The following SORCS1 variants were observed in gnomAD, a reference collection of about 807,000 sequenced individuals.
SORCS1 encodes the protein VPS10 domain-containing receptor SorCS1.
In SORCS1, 60 loss-of-function variants were observed where a neutral mutation model predicts 146.1. The ratio of observed to expected loss-of-function variants is 0.41; its 90% CI spans 0.33 to 0.51. The LOEUF is 0.51. SORCS1 is among the 20% of genes least tolerant of loss of function. SORCS1 has a pLI of 0.21. For synonymous variants in SORCS1, 637 were observed against 584.0 expected, an observed-to-expected ratio of 1.09 and a Z score of -1.31; for missense variants, 1,352 against 1,487.6, an observed-to-expected ratio of 0.91 and a Z score of 1.50.
chr10:106,793,948 T>C (rs1377230981), intron 3 of SORCS1, among the ~76,000 whole-genome samples: 1 of 152,170 alleles, frequency 6.6e-6, no homozygotes, highest in Non-Finnish European at 1.5e-5. Flanking sequence ...GTTCAACAAA[T>C]TCCTGAAGCC....
At chr10:106,884,136 T>C (rs1478372455) in intron 2 of SORCS1, among the ~76,000 whole-genome samples, 1 of 152,212 alleles carries the variant, frequency 6.6e-6, no homozygotes, top group Non-Finnish European at 1.5e-5. Context: ...CCTTCTTTCT[T>C]TCTCTCATTG....
chr10:106,631,692 T>G (rs1319304381), intron 18 of SORCS1, among the ~76,000 whole-genome samples: 6 of 151,874 alleles, frequency 4.0e-5, no homozygotes, highest in African/African-American at 1.2e-4. Flanking sequence ...AGAGGGGAGA[T>G]TCACACCTTC....
intron 23 of SORCS1, among the ~76,000 whole-genome samples, chr10:106,603,672 G>A (rs1045588412): frequency 2.0e-5 from 3 of 152,164 alleles, no homozygotes; most frequent in African/African-American, 7.2e-5. Flanking sequence ...AGGGGATAAG[G>A]ACAGCCCTTC....
At chr10:107,017,807 C>T (rs529035309) in intron 1 of SORCS1, among the ~76,000 whole-genome samples, 10 of 152,296 alleles carry the variant, frequency 6.6e-5, no homozygotes, top group South Asian at 4.1e-4. Context: ...CGTGCCACCA[C>T]GCCCGGCTAT....
At chr10:106,649,515 C>T (rs1849703959) in intron 18 of SORCS1, among the ~76,000 whole-genome samples, 1 of 152,198 alleles carries the variant, frequency 6.6e-6, no homozygotes, top group African/African-American at 2.4e-5. Context: ...CCATTTTCTT[C>T]TGGACTTTTT....
chr10:106,976,333 G>GTTTTTTTTTTTT (rs1554901318), intron 1 of SORCS1, among the ~76,000 whole-genome samples: 11 of 113,800 alleles, frequency 9.7e-5, no homozygotes, highest in Non-Finnish European at 1.4e-4. Flanking sequence ...AGGTTTTTTT[G>GTTTTTTTTTTTT]TTTTTTTTTT....
At position 106,699,408 on chromosome 10, in the gene SORCS1, A is replaced by G. The variant is rs780844869; in HGVS notation, c.1234-15T>C. The stretch of plus-strand genomic sequence containing the variant: ...ACATGCATGTCCTGTGAAAAGACAC[A>G]AGGTCGTGAAGAGGGAAAAAGAGTT... On this transcript the variant is annotated splice_polypyrimidine_tract_variant and intron_variant, in intron 8 of 25. Transcript: ENST00000263054. The G allele has an allele frequency of 1.3e-6, 2 of 1,592,684 alleles. No individual in the cohort carries two copies. Among genetic ancestry groups the G allele is most frequent in the Non-Finnish European group, 1.7e-6 (2 of 1,169,166 alleles).
intron 25 of SORCS1, chr10:106,578,157 T>C (rs1844678722): frequency 6.6e-6 from 1 of 152,272 alleles, no homozygotes; most frequent in South Asian, 2.1e-4. Context: ...GATGTAAACA[T>C]ATAAGGCTTC....
intron 16 of SORCS1, 123 bp from the exon 17 acceptor site, chr10:106,667,925 A>C (rs199842640): frequency 8.3e-3 from 2 of 240 alleles, no homozygotes; most frequent in Non-Finnish European, 0.14. Context: ...AAATAAAAAC[A>C]AAAAAAAAAA....
intron 10 of SORCS1, among the ~76,000 whole-genome samples, chr10:106,685,433 T>C (rs1312176210): frequency 6.6e-6 from 1 of 152,118 alleles, no homozygotes; most frequent in African/African-American, 2.4e-5. Context: ...CACCTGCTCA[T>C]TTCAGATAAC....
At chr10:106,672,694 A>T (rs1851697714) in intron 15 of SORCS1, among the ~76,000 whole-genome samples, 174 bp downstream of exon 15, 2 of 152,224 alleles carry the variant, frequency 1.3e-5, no homozygotes, top group South Asian at 4.1e-4. Flanking sequence ...ATGACTTCAC[A>T]ACAAGCTATT....
At chr10:107,126,968 G>A (rs1010046201) in intron 1 of SORCS1, among the ~76,000 whole-genome samples, 3 of 152,136 alleles carry the variant, frequency 2.0e-5, no homozygotes, top group Non-Finnish European at 4.4e-5. Context: ...TAGCGCCACA[G>A]GCAAGTAGCC....
chr10:106,722,418 C>T (rs1483736058), intron 6 of SORCS1, among the ~76,000 whole-genome samples: 9 of 152,072 alleles, frequency 5.9e-5, no homozygotes, highest in Admixed American at 5.9e-4. Context: ...AATGAGATTT[C>T]CAGTTCTTAC....
At chr10:107,170,926 T>A in the SORCS1 span, among the ~76,000 whole-genome samples, 1 of 152,294 alleles carries the variant, frequency 6.6e-6, no homozygotes, top group East Asian at 1.9e-4. Flanking sequence ...AAAGTCAAAA[T>A]CCTGCTTTTA....
intron 2 of SORCS1, among the ~76,000 whole-genome samples, chr10:106,831,169 G>A (rs1948527673): frequency 6.6e-6 from 1 of 151,954 alleles, no homozygotes; most frequent in South Asian, 2.1e-4. Flanking sequence ...CTCCAGCCTG[G>A]GCGGAGTCTT....
intron 1 of SORCS1, among the ~76,000 whole-genome samples, chr10:107,086,564 G>A (rs1044776175): frequency 6.6e-6 from 1 of 152,202 alleles, no homozygotes; most frequent in Non-Finnish European, 1.5e-5. Flanking sequence ...GCCATTTATA[G>A]CTGTGGACTT....
At chr10:106,606,627 C>A (rs939180704) in intron 23 of SORCS1, among the ~76,000 whole-genome samples, 2 of 152,074 alleles carry the variant, frequency 1.3e-5, no homozygotes, top group African/African-American at 4.8e-5. Flanking sequence ...CAGAGTATTC[C>A]ACACTGTAAA....
chr10:107,122,262 G>T (rs974467443), intron 1 of SORCS1, among the ~76,000 whole-genome samples: 1 of 152,146 alleles, frequency 6.6e-6, no homozygotes, highest in Non-Finnish European at 1.5e-5. Flanking sequence ...CTGATATTTC[G>T]TCCATGTACT....
chr10:106,735,340 A>G (rs2756237), intron 5 of SORCS1, among the ~76,000 whole-genome samples: 18 of 151,588 alleles, frequency 1.2e-4, no homozygotes, highest in Non-Finnish European at 1.9e-4. Flanking sequence ...CTACTATGAA[A>G]TAAGAATGAG....
Sources: allele counts gnomAD v4.1 joint callset (sites outside exome capture counted in the v4.1 genomes callset), GRCh38; gene constraint gnomAD v4.1.1; transcripts MANE v1.5; gene names NCBI Gene and HGNC (gene_info 2026-07-23, HGNC 2026-07-21).